Variants in TJP2 observed in about 807,000 individuals in gnomAD.
TJP2 encodes the protein tight junction protein 2, also known as Friedreich ataxia region gene X104 (tight junction protein ZO-2).
In TJP2, 91 loss-of-function variants were observed where a neutral mutation model predicts 133.1. The observed-to-expected ratio is 0.68, with a 90% CI of 0.58 to 0.81. The LOEUF is 0.81. Among genes scored for constraint, TJP2 ranks in the 40% least tolerant of loss-of-function variants. TJP2 has a pLI of 0.00. For synonymous variants in TJP2, 592 were observed against 583.4 expected, an observed-to-expected ratio of 1.01 and a Z score of -0.21; for missense variants, 1,541 against 1,565.6, an observed-to-expected ratio of 0.98 and a Z score of 0.26.
chr9:69,254,513 A>G lies in TJP2; in HGVS notation c.*139A>G. On this transcript the variant is annotated 3_prime_UTR_variant, in exon 23 of 23. Coordinates refer to ENST00000377245, the MANE Select transcript of TJP2 (RefSeq NM_004817.4). ...GACTCCAGCTCGTGTGTCCTCATGGAGAACCCAGGGGACAGCTGGTGCAAA... is the reference window on the plus strand; with the variant it reads ...GACTCCAGCTCGTGTGTCCTCATGGGGAACCCAGGGGACAGCTGGTGCAAA... 2 of 1,121,540 alleles carry G rather than the reference A, an allele frequency of 1.8e-6. No individual in the cohort carries two copies. Among genetic ancestry groups the G allele is most frequent in the Non-Finnish European group, 2.6e-6 (2 of 765,876 alleles). The allele number at this position is 1,121,540 out of a possible 1,614,324, so 69.5% of individuals were successfully genotyped here.
In TJP2 at chr9:69,141,693, C is replaced by T. The variant is rs191903870; in HGVS notation, c.-130-9958C>T. On this transcript the variant is annotated intron_variant, in intron 1 of 5. Transcript: ENST00000423935. ...TGCAACCTCCACCTCCTGGTTCAAGCGATTCTTATGCCTCAGCCTCCCGAG... is the reference window on the plus strand; with the variant it reads ...TGCAACCTCCACCTCCTGGTTCAAGTGATTCTTATGCCTCAGCCTCCCGAG... Among the ~76,000 whole-genome samples, 9 of 152,216 alleles carry T rather than the reference C, an allele frequency of 5.9e-5. 1 individual carries two copies. Among genetic ancestry groups the T allele is most frequent in the South Asian group, 4.1e-4 (2 of 4,822 alleles).
intron 1 of TJP2, among the ~76,000 whole-genome samples, chr9:69,182,333 A>T (rs1379156240): frequency 6.6e-6 from 1 of 152,196 alleles, no homozygotes; most frequent in African/African-American, 2.4e-5. Context: ...GGAGCTGGAA[A>T]CATTTGTGCG....
At chr9:69,167,216 C>T (rs548562078) in intron 2 of TJP2, among the ~76,000 whole-genome samples, 4 of 152,128 alleles carry the variant, frequency 2.6e-5, no homozygotes, top group African/African-American at 9.6e-5. Flanking sequence ...CCAGCCTGGG[C>T]AACAGCAAGA....
intron 1 of TJP2, among the ~76,000 whole-genome samples, chr9:69,196,927 A>ATGTG (rs150452125): frequency 1.4e-5 from 2 of 144,050 alleles, no homozygotes; most frequent in African/African-American, 5.2e-5. Flanking sequence ...TTATATATAT[A>ATGTG]TGTGTGTGTG....
At chr9:69,189,633 CTTTT>C (rs57985835) in intron 1 of TJP2, among the ~76,000 whole-genome samples, 1 of 61,110 alleles carries the variant, frequency 1.6e-5, no homozygotes, top group African/African-American at 6.0e-5. Flanking sequence ...GGAGACTCCA[CTTTT>C]TTTTTTTTTT....
intron 1 of TJP2, among the ~76,000 whole-genome samples, chr9:69,206,302 C>T (rs1266753914): frequency 1.3e-5 from 2 of 152,124 alleles, no homozygotes; most frequent in African/African-American, 4.8e-5. Flanking sequence ...CCCACAACTC[C>T]CCAGACCTAA....
intron 1 of TJP2, among the ~76,000 whole-genome samples, chr9:69,135,722 C>G (rs1043058446): frequency 6.6e-6 from 1 of 152,152 alleles, no homozygotes; most frequent in Non-Finnish European, 1.5e-5. Context: ...TCTCCTGCCT[C>G]AGCCTCCCAA....
At chr9:69,254,102 G>C in intron 22 of TJP2, 107 bp from the exon 23 acceptor site, 3 of 1,304,912 alleles carry the variant, frequency 2.3e-6, no homozygotes, top group Non-Finnish European at 3.3e-6. Context: ...TCAGAGGTAA[G>C]TGATCTGCTC....
At chr9:69,156,523 ATTTTTTTTTTTTT>A (rs71354318) in intron 2 of TJP2, among the ~76,000 whole-genome samples, 2 of 81,146 alleles carry the variant, frequency 2.5e-5, no homozygotes, top group African/African-American at 5.4e-5. Flanking sequence ...TACATGTAAG[ATTTTTTTTTTTTT>A]TTTTTTTTTT....
At chr9:69,251,649 C>T (rs905452517) in intron 21 of TJP2, among the ~76,000 whole-genome samples, 3 of 152,104 alleles carry the variant, frequency 2.0e-5, no homozygotes, top group South Asian at 2.1e-4. Context: ...CAGTGCCTCT[C>T]GGAAGTCGTT....
At chr9:69,243,138 A>G (rs1382025540) in intron 17 of TJP2, among the ~76,000 whole-genome samples, 1 of 152,202 alleles carries the variant, frequency 6.6e-6, no homozygotes, top group African/African-American at 2.4e-5. Context: ...TGCTGGGATT[A>G]CAGGCATGAG....
chr9:69,227,930 AT>A (rs754359679), intron 8 of TJP2, 50 bp from the exon 9 acceptor site: 2 of 1,613,890 alleles, frequency 1.2e-6, no homozygotes, highest in African/African-American at 2.7e-5. Context: ...ACACATATGT[AT>A]TTATGAAACT....
intron 1 of TJP2, among the ~76,000 whole-genome samples, chr9:69,208,443 C>T (rs1055940489): frequency 6.6e-5 from 10 of 152,104 alleles, no homozygotes; most frequent in African/African-American, 1.9e-4. Context: ...ATTTAAATTA[C>T]GCTTGCAGGC....
intron 2 of TJP2, among the ~76,000 whole-genome samples, chr9:69,156,413 C>T (rs1823760483): frequency 1.3e-5 from 2 of 152,090 alleles, no homozygotes; most frequent in Non-Finnish European, 2.9e-5. Flanking sequence ...ACAGGACATG[C>T]CCATAACACA....
At chr9:69,207,469 A>G (rs994327765) in intron 1 of TJP2, among the ~76,000 whole-genome samples, 1 of 152,110 alleles carries the variant, frequency 6.6e-6, no homozygotes, top group Non-Finnish European at 1.5e-5. Flanking sequence ...AGATACTGGG[A>G]TATTTTCCAA....
At chr9:69,234,911 A>G (rs1256587582) in intron 12 of TJP2, among the ~76,000 whole-genome samples, 1 of 152,134 alleles carries the variant, frequency 6.6e-6, no homozygotes, top group Non-Finnish European at 1.5e-5. Flanking sequence ...CAGTCTGACA[A>G]GTTGTTTCAC....
chr9:69,236,855 G>T (rs1042258298), intron 13 of TJP2, 94 bp from the exon 14 acceptor site: 10 of 1,419,976 alleles, frequency 7.0e-6, no homozygotes, highest in Non-Finnish European at 1.0e-5. Flanking sequence ...TCTTCTCTGA[G>T]CTCAGAAGTA....
chr9:69,187,602 C>A (rs535507034), intron 1 of TJP2, among the ~76,000 whole-genome samples: 1 of 152,334 alleles, frequency 6.6e-6, no homozygotes, highest in African/African-American at 2.4e-5. Flanking sequence ...AAAAAATGTC[C>A]TCAATTAGAT....
At chr9:69,137,295 C>CCTTTTCT (rs1554768455) in intron 1 of TJP2, among the ~76,000 whole-genome samples, 4 of 69,470 alleles carry the variant, frequency 5.8e-5, no homozygotes, top group East Asian at 5.0e-4. Context: ...TTCTTTCTTT[C>CCTTTTCT]TTTCTTTTCT....
Sources: allele counts gnomAD v4.1 joint callset (sites outside exome capture counted in the v4.1 genomes callset), GRCh38; gene constraint gnomAD v4.1.1; transcripts MANE v1.5; gene names NCBI Gene and HGNC (gene_info 2026-07-23, HGNC 2026-07-21).